ERICH1: variants seen among roughly 807,000 people sequenced by gnomAD.
The protein encoded by ERICH1 is glutamate-rich protein 1.
Under a neutral mutation model 39.6 loss-of-function variants are expected in ERICH1, and 56 were observed. That is an observed-to-expected ratio of 1.41 (90% CI 1.14 to 1.77). ERICH1 has a LOEUF of 1.77. ERICH1 is among the 40% of genes most tolerant of loss of function. ERICH1 has a pLI of 0.00. For missense variants in ERICH1, 826 were observed against 575.4 expected (o/e 1.44, Z -4.45); for synonymous variants, 313 against 223.6 (o/e 1.40, Z -3.57).
chr8:627,898 CT>C (rs1265462025), intron 3 of ERICH1, among the ~76,000 whole-genome samples: 1 of 152,182 alleles, frequency 6.6e-6, no homozygotes, highest in Non-Finnish European at 1.5e-5. Context: ...GCTGCCTCCC[CT>C]AGTCCCCTCG....
intron 3 of ERICH1, among the ~76,000 whole-genome samples, chr8:639,638 G>A (rs952667208): frequency 6.8e-5 from 10 of 146,368 alleles, no homozygotes; most frequent in Non-Finnish European, 1.0e-4. Context: ...TAGCAGACAC[G>A]ACCAAGCACC....
In ERICH1 at chr8:692,590, A is replaced by G; in HGVS notation, c.192T>C (p.Thr64=). The G allele has an allele frequency of 6.2e-7, 1 of 1,603,916 alleles. No individual in the cohort carries two copies. The highest frequency in any genetic ancestry group is 1.3e-5 in the African/African-American group (1 of 74,362). The change falls in exon 3 of 6, where the codon ACT becomes ACC. Residue 64 remains threonine (T), a synonymous_variant. Coordinates refer to ENST00000262109, the MANE Select transcript of ERICH1 (RefSeq NM_207332.3). ...CGCTGGCAGTGTAGAGCCGTCGGGC[A>G]GTCGGGGTCTCAGAGCCAGTGTCTG... ...PLTDTGSETP[T]ARRLYTASGP... is the part of the protein sequence containing the mutation.
intron 1 of ERICH1, among the ~76,000 whole-genome samples, chr8:723,081 C>T (rs1817711808): frequency 6.6e-6 from 1 of 152,172 alleles, no homozygotes; most frequent in Non-Finnish European, 1.5e-5. Flanking sequence ...GTGCCCACCT[C>T]ATGGTGATGA....
chr8:651,712 C>T (rs1229080873), intron 3 of ERICH1, among the ~76,000 whole-genome samples: 3 of 98,480 alleles, frequency 3.0e-5, no homozygotes, highest in Non-Finnish European at 6.0e-5. Context: ...GAGGCTGAGA[C>T]GGAGTGGGAG....
rs1803920879 is a variant in ERICH1 at position 673,488 on chromosome 8, T to C, written c.864A>G (p.Glu288=). 2 of 1,613,194 alleles carry C rather than the reference T, an allele frequency of 1.2e-6. No individual in the cohort carries two copies. The highest frequency in any genetic ancestry group is 4.5e-5 in the East Asian group (2 of 44,832). ...CCTCCTCCCTGGTGTCTTTACCGTC[T>C]TCCTCCCCGGCCCGTGTCAGGTCTT... The part of the protein sequence containing the change: ...IEEDLTRAGE[E]DGKDTREEDG... The change falls in exon 4 of 6, where the codon GAA becomes GAG. Residue 288 remains glutamate, a synonymous_variant. Transcript: ENST00000262109.
At chr8:629,618 T>G (rs77372053) in intron 3 of ERICH1, among the ~76,000 whole-genome samples, 2 of 84,544 alleles carry the variant, frequency 2.4e-5, no homozygotes, top group African/African-American at 1.1e-4. Flanking sequence ...CACACCCGCC[T>G]GTGACCACCC....
intron 2 of ERICH1, among the ~76,000 whole-genome samples, chr8:707,651 G>A (rs189770429): frequency 1.1e-4 from 16 of 152,086 alleles, no homozygotes; most frequent in Admixed American, 9.2e-4. Context: ...AGCTGAAAAC[G>A]GATCAAGGAC....
rs1804042841 is a variant in ERICH1 at position 673,845 on chromosome 8, C to T, written c.507G>A (p.Gln169=). 3 of 1,613,864 alleles carry T rather than the reference C, an allele frequency of 1.9e-6. No individual in the cohort carries two copies. The highest frequency in any genetic ancestry group is 2.2e-5 in the East Asian group (1 of 44,898). The change falls in exon 4 of 6, where the codon CAG becomes CAA. Residue 169 remains glutamine (Q), a synonymous_variant. Coordinates refer to ENST00000262109, the MANE Select transcript of ERICH1 (RefSeq NM_207332.3). ...KNKKRKLKKK[Q]QIKRKKAAGL... ...CGGCTGCTTTCTTCCTTTTAATTTG[C>T]TGTTTCTTTTTCAGTTTCCTTTTTT...
At chr8:714,844 T>C (rs966172342) in intron 2 of ERICH1, among the ~76,000 whole-genome samples, 1 of 151,970 alleles carries the variant, frequency 6.6e-6, no homozygotes, top group Non-Finnish European at 1.5e-5. Context: ...CTCAGTAGGA[T>C]GTGCTGTACA....
intron 3 of ERICH1, among the ~76,000 whole-genome samples, chr8:622,715 G>A (rs546842738): frequency 6.6e-6 from 1 of 152,198 alleles, no homozygotes; most frequent in Non-Finnish European, 1.5e-5. Flanking sequence ...AACTTTGGGA[G>A]GCTGAGGTGG....
At chr8:642,127 C>T (rs552981926) in intron 3 of ERICH1, among the ~76,000 whole-genome samples, 4 of 152,098 alleles carry the variant, frequency 2.6e-5, no homozygotes, top group Non-Finnish European at 4.4e-5. Context: ...CAAAAAGGGG[C>T]GTGTGCAGAT....
chr8:664,846 A>C (rs1235860803), intron 5 of ERICH1, among the ~76,000 whole-genome samples, 170 bp from the exon 6 acceptor site: 1 of 152,246 alleles, frequency 6.6e-6, no homozygotes, highest in Non-Finnish European at 1.5e-5. Flanking sequence ...TATACTTGTT[A>C]ATCACACATT....
Position 674,012 on chromosome 8 carries a change from T to C in ERICH1, c.340A>G (p.Ile114Val). Residue 114 changes from isoleucine to valine, a missense_variant, in exon 4 of 6, where the codon ATT (isoleucine) becomes GTT (valine). Transcript: ENST00000262109. ...DPHDQPKRRR[I>V]RKHKSKKKFK... ...TTTTTCTTTGATTTATGCTTCCTAA[T>C]TCTTCTTCTCTTTGGCTGGTCATGA... 6.4e-7 allele frequency: 1 copy of C among 1,572,840 alleles called. No individual in the cohort carries two copies. Among genetic ancestry groups the C allele is most frequent in the Non-Finnish European group, 8.5e-7 (1 of 1,171,550 alleles).
chr8:618,679 A>G (rs1034235591), intron 3 of ERICH1, among the ~76,000 whole-genome samples: 21 of 152,346 alleles, frequency 1.4e-4, no homozygotes, highest in Admixed American at 8.5e-4. Flanking sequence ...TAACTGCGTT[A>G]TCACACACAG....
At chr8:730,722 G>A (rs1219489512) in intron 1 of ERICH1, among the ~76,000 whole-genome samples, 1 of 152,228 alleles carries the variant, frequency 6.6e-6, no homozygotes, top group Non-Finnish European at 1.5e-5. Context: ...GTGGCTCTGG[G>A]AGGTTCTGCT....
intron 3 of ERICH1, among the ~76,000 whole-genome samples, chr8:623,649 T>C (rs980367303): frequency 1.3e-5 from 2 of 152,208 alleles, no homozygotes; most frequent in African/African-American, 4.8e-5. Flanking sequence ...TTTGTGTGCA[T>C]GAAGAACAGT....
intron 2 of ERICH1, among the ~76,000 whole-genome samples, chr8:711,787 G>A (rs372704684): frequency 1.1e-4 from 16 of 152,262 alleles, no homozygotes; most frequent in African/African-American, 3.4e-4. Context: ...GTGATCCACC[G>A]CGCCCAGTCC....
chr8:725,834 A>G (rs140809242), intron 1 of ERICH1: 25 of 152,536 alleles, frequency 1.6e-4, no homozygotes, highest in African/African-American at 5.8e-4. Context: ...CTGTTCCATG[A>G]GGCTGATTCC....
downstream of ERICH1, among the ~76,000 whole-genome samples, chr8:663,791 G>A (rs528621777): frequency 6.6e-6 from 1 of 150,804 alleles, no homozygotes; most frequent in Non-Finnish European, 1.5e-5. Flanking sequence ...CTGGAGTCTC[G>A]CTCTGTCGCC....
Sources: gnomAD v4.1 joint callset for allele counts (sites outside exome capture counted in the v4.1 genomes callset) on GRCh38, gnomAD v4.1.1 for gene constraint, MANE v1.5 for transcripts, NCBI Gene and HGNC (gene_info 2026-07-23, HGNC 2026-07-21) for gene names.